FBXL7: variants seen among roughly 807,000 people sequenced by gnomAD.
FBXL7 encodes the protein F-box and leucine rich repeat protein 7, also known as F-box/LRR-repeat protein 7.
FBXL7 carries 12 observed loss-of-function variants against 38.3 expected under a neutral mutation model. The observed-to-expected ratio is 0.31, with a 90% CI of 0.20 to 0.51. FBXL7 has a LOEUF of 0.51. Among genes scored for constraint, FBXL7 ranks in the 20% least tolerant of loss-of-function variants. The pLI, the probability that FBXL7 is intolerant of heterozygous loss-of-function variation, is 0.98. For synonymous variants in FBXL7, 297 were observed against 300.9 expected, an observed-to-expected ratio of 0.99 and a Z score of 0.13; for missense variants, 567 against 676.4, an observed-to-expected ratio of 0.84 and a Z score of 1.79.
intron 1 of FBXL7, among the ~76,000 whole-genome samples, chr5:15,521,000 GT>G (rs1231137759): frequency 6.6e-6 from 1 of 152,180 alleles, no homozygotes; most frequent in East Asian, 1.9e-4. Flanking sequence ...GCATGAAAGA[GT>G]TTTGCAAAAT....
Position 15,927,945 on chromosome 5 carries a change from A to G in FBXL7, c.183A>G (p.Pro61=). The G allele has an allele frequency of 6.4e-7, 1 of 1,563,986 alleles. No homozygotes were observed. The highest frequency in any genetic ancestry group is 8.7e-7 in the Non-Finnish European group (1 of 1,153,534). The change falls in exon 3 of 4, where the codon CCA becomes CCG. Residue 61 remains proline (P), a synonymous_variant. Transcript: ENST00000504595. ...LSTPSPALIC[P]PNLPGFQNGR... Reference sequence around the variant, plus strand: ...CGCCCAGCCCAGCCCTGATATGTCCACCGAATCTCCCAGGATTTCAGAATG... The same window carrying G: ...CGCCCAGCCCAGCCCTGATATGTCCGCCGAATCTCCCAGGATTTCAGAATG...
At chr5:15,785,179 A>T (rs976655352) in intron 2 of FBXL7, among the ~76,000 whole-genome samples, 7 of 152,208 alleles carry the variant, frequency 4.6e-5, no homozygotes, top group African/African-American at 1.7e-4. Context: ...TCCCATTGCC[A>T]CATGTATACA....
At position 15,913,463 on chromosome 5, in the gene FBXL7, G is replaced by A. The variant is rs1741498090; in HGVS notation, c.128-14427G>A. Among the ~76,000 whole-genome samples the A allele has an allele frequency of 2.0e-5, 3 of 152,254 alleles. No homozygotes were observed. In the South Asian group the frequency reaches 6.2e-4, roughly 32 times the overall value. ...TTATTGATCTTTTACATGGTCGTAA[G>A]TTTAGTGGAGATTTCTCTTTTTTTC... On this transcript the variant is annotated intron_variant, in intron 2 of 3. Transcript: ENST00000504595.
chr5:15,580,903 G>A, intron 1 of FBXL7: 1 of 821,906 alleles, frequency 1.2e-6, no homozygotes, highest in Non-Finnish European at 1.5e-6. Context: ...TTGGAATCCT[G>A]TGATCCACTC....
chr5:15,627,477 C>T (rs572973735), intron 2 of FBXL7, among the ~76,000 whole-genome samples: 1 of 152,114 alleles, frequency 6.6e-6, no homozygotes, highest in Non-Finnish European at 1.5e-5. Context: ...TCAAAACAAC[C>T]ACCTCCCTGG....
chr5:15,858,391 A>G (rs1400899478), intron 2 of FBXL7, among the ~76,000 whole-genome samples: 2 of 152,094 alleles, frequency 1.3e-5, no homozygotes, highest in African/African-American at 4.8e-5. Context: ...TATTCAGGAA[A>G]GAGGTTCTTT....
intron 2 of FBXL7, among the ~76,000 whole-genome samples, chr5:15,676,040 C>A (rs980328763): frequency 1.3e-5 from 2 of 152,144 alleles, no homozygotes; most frequent in Admixed American, 6.5e-5. Flanking sequence ...TCATTGATAA[C>A]CTCTAAATTA....
intron 2 of FBXL7, among the ~76,000 whole-genome samples, chr5:15,870,718 ACCACAGTG>A (rs1739918180): frequency 6.6e-6 from 1 of 152,226 alleles, no homozygotes; most frequent in Non-Finnish European, 1.5e-5. Context: ...GGTGGAGCCC[ACCACAGTG>A]CCACAGAGCC....
At chr5:15,510,312 A>G (rs989025584) in intron 1 of FBXL7, among the ~76,000 whole-genome samples, 1 of 152,202 alleles carries the variant, frequency 6.6e-6, no homozygotes, top group Admixed American at 6.5e-5. Flanking sequence ...AAATTTCAGG[A>G]ATTTCTCTGA....
At chr5:15,898,862 C>T (rs1340733312) in intron 2 of FBXL7, among the ~76,000 whole-genome samples, 1 of 152,144 alleles carries the variant, frequency 6.6e-6, no homozygotes, top group Non-Finnish European at 1.5e-5. Context: ...TGCTCCTGCT[C>T]AGCCTTTGCC....
intron 1 of FBXL7, chr5:15,501,861 T>C (rs1370087644): frequency 3.8e-5 from 12 of 312,114 alleles, no homozygotes; most frequent in Non-Finnish European, 5.0e-5. Flanking sequence ...CATATGTGCA[T>C]GTGTATGTGT....
chr5:15,830,637 A>G (rs1579501279), intron 2 of FBXL7, among the ~76,000 whole-genome samples: 1 of 152,318 alleles, frequency 6.6e-6, no homozygotes, highest in Middle Eastern at 3.4e-3. Context: ...AGGCGCCACC[A>G]GACTGGGGCC....
At chr5:15,867,556 G>C (rs1241094760) in intron 2 of FBXL7, among the ~76,000 whole-genome samples, 2 of 152,128 alleles carry the variant, frequency 1.3e-5, no homozygotes, top group Non-Finnish European at 2.9e-5. Flanking sequence ...TACAATAATG[G>C]CCCCCAAAGT....
chr5:15,675,431 G>A (rs562660554), intron 2 of FBXL7, among the ~76,000 whole-genome samples: 1 of 152,328 alleles, frequency 6.6e-6, no homozygotes, highest in Non-Finnish European at 1.5e-5. Context: ...CTGGAACAAA[G>A]TGTTGGCCTT....
chr5:15,848,333 AC>A (rs1185234734), intron 2 of FBXL7, among the ~76,000 whole-genome samples: 1 of 152,104 alleles, frequency 6.6e-6, no homozygotes, highest in Non-Finnish European at 1.5e-5. Context: ...GGCAGACACA[AC>A]ATTCTTTGAA....
intron 2 of FBXL7, among the ~76,000 whole-genome samples, chr5:15,835,984 T>C (rs1226390627): frequency 6.6e-6 from 1 of 152,180 alleles, no homozygotes; most frequent in Non-Finnish European, 1.5e-5. Flanking sequence ...AAATAATTTA[T>C]TTTTCCACTA....
chr5:15,898,726 G>A (rs56113003), intron 2 of FBXL7, among the ~76,000 whole-genome samples: 1 of 152,182 alleles, frequency 6.6e-6, no homozygotes, highest in East Asian at 1.9e-4. Flanking sequence ...TCTCGGCTCA[G>A]CTAATCCATT....
At chr5:15,892,401 G>A (rs1301861384) in intron 2 of FBXL7, among the ~76,000 whole-genome samples, 2 of 152,184 alleles carry the variant, frequency 1.3e-5, no homozygotes, top group African/African-American at 2.4e-5. Flanking sequence ...TTTGAGCAGA[G>A]GCGGGACATG....
chr5:15,745,908 G>A (rs1397767218), intron 2 of FBXL7, among the ~76,000 whole-genome samples: 1 of 152,194 alleles, frequency 6.6e-6, no homozygotes, highest in Non-Finnish European at 1.5e-5. Context: ...GGCTGCTGTG[G>A]AAGAGAGACT....
Sources: gnomAD v4.1 joint callset for allele counts (sites outside exome capture counted in the v4.1 genomes callset) on GRCh38, gnomAD v4.1.1 for gene constraint, MANE v1.5 for transcripts, NCBI Gene and HGNC (gene_info 2026-07-23, HGNC 2026-07-21) for gene names.